The following MAST4 variants were observed in gnomAD, a reference collection of about 807,000 sequenced individuals.
MAST4 encodes microtubule-associated serine/threonine-protein kinase 4.
MAST4 carries 89 observed loss-of-function variants against 162.7 expected under a neutral mutation model. The ratio of observed to expected loss-of-function variants is 0.55; its 90% CI spans 0.46 to 0.65. The LOEUF (loss-of-function observed/expected upper bound fraction) is 0.65, where lower values mean the gene tolerates loss of function less well. MAST4 is among the 30% of genes least tolerant of loss of function. MAST4 has a pLI of 0.00. For missense variants in MAST4, 3,153 were observed against 3,374.0 expected (o/e 0.93, Z 1.62); for synonymous variants, 1,479 against 1,361.1 (o/e 1.09, Z -1.91).
chr5:66,777,718 T>C (rs943624023), intron 2 of MAST4, among the ~76,000 whole-genome samples: 9 of 152,174 alleles, frequency 5.9e-5, no homozygotes, highest in South Asian at 2.1e-4. Context: ...AGATGACTCT[T>C]AATCATTTGA....
intron 1 of MAST4, among the ~76,000 whole-genome samples, chr5:66,743,759 AG>A (rs891376982): frequency 4.8e-4 from 73 of 152,324 alleles, no homozygotes; most frequent in African/African-American, 1.7e-3. Flanking sequence ...ATGCTGTGCC[AG>A]GGGGCTGCTG....
chr5:67,076,956 A>C (rs1042469037), intron 5 of MAST4, among the ~76,000 whole-genome samples: 1 of 152,156 alleles, frequency 6.6e-6, no homozygotes, highest in East Asian at 1.9e-4. Flanking sequence ...GTGGTCTAAC[A>C]CATTTTCAAG....
At chr5:66,713,253 G>T (rs992488583) in intron 1 of MAST4, among the ~76,000 whole-genome samples, 4 of 152,166 alleles carry the variant, frequency 2.6e-5, no homozygotes, top group African/African-American at 9.7e-5. Flanking sequence ...CACCTGGAAG[G>T]TACCCCGCTC....
intron 1 of MAST4, among the ~76,000 whole-genome samples, chr5:66,609,696 T>G (rs1281231309): frequency 9.0e-6 from 1 of 110,738 alleles, no homozygotes; most frequent in Non-Finnish European, 1.7e-5. Flanking sequence ...CTGGTGTTTT[T>G]TTTTTTTTGT....
intron 11 of MAST4, among the ~76,000 whole-genome samples, chr5:67,110,958 A>T (rs1766166766): frequency 1.3e-5 from 2 of 152,230 alleles, no homozygotes; most frequent in Admixed American, 1.3e-4. Context: ...CAGGAGGCGG[A>T]GGTTGCAATG....
At chr5:66,906,322 G>A (rs1763351451) in intron 4 of MAST4, among the ~76,000 whole-genome samples, 2 of 152,168 alleles carry the variant, frequency 1.3e-5, no homozygotes, top group Non-Finnish European at 2.9e-5. Context: ...GGCTGAAAAA[G>A]GGGGATTCGT....
At chr5:67,016,504 T>C (rs934684063) in intron 4 of MAST4, among the ~76,000 whole-genome samples, 7 of 152,226 alleles carry the variant, frequency 4.6e-5, no homozygotes, top group African/African-American at 1.7e-4. Context: ...GTACAGAAAA[T>C]GCTGCTGCTG....
intron 4 of MAST4, among the ~76,000 whole-genome samples, chr5:66,932,018 C>T (rs1038847569): frequency 2.6e-5 from 4 of 152,164 alleles, no homozygotes; most frequent in Non-Finnish European, 5.9e-5. Flanking sequence ...TGGTAAGAAA[C>T]ATCACACTGA....
At chr5:66,846,936 G>A (rs902394318) in intron 3 of MAST4, among the ~76,000 whole-genome samples, 5 of 152,108 alleles carry the variant, frequency 3.3e-5, no homozygotes, top group African/African-American at 9.7e-5. Context: ...GCATTAGAAC[G>A]TGTGGTTTCC....
At chr5:67,154,482 G>C (rs1472398202) in intron 26 of MAST4, among the ~76,000 whole-genome samples, 1 of 152,158 alleles carries the variant, frequency 6.6e-6, no homozygotes, top group African/African-American at 2.4e-5. Flanking sequence ...ATAGAATTCT[G>C]TATTTTAAAA....
chr5:67,123,823 A>G (rs756617725), intron 14 of MAST4, among the ~76,000 whole-genome samples: 1 of 152,176 alleles, frequency 6.6e-6, no homozygotes, highest in Non-Finnish European at 1.5e-5. Flanking sequence ...CTTGATGCAC[A>G]TGATTCTCTT....
chr5:66,948,168 A>G (rs1454526416), intron 4 of MAST4, among the ~76,000 whole-genome samples: 1 of 152,158 alleles, frequency 6.6e-6, no homozygotes, highest in Non-Finnish European at 1.5e-5. Context: ...TTGGCTGAGC[A>G]GTTAGAAAAG....
intron 4 of MAST4, among the ~76,000 whole-genome samples, chr5:66,912,187 G>C (rs370899549): frequency 3.9e-5 from 6 of 152,292 alleles, no homozygotes; most frequent in African/African-American, 1.4e-4. Flanking sequence ...GGGAGAGTGG[G>C]ACCTTCCCAC....
chr5:66,965,829 G>C (rs755112983), intron 4 of MAST4, among the ~76,000 whole-genome samples: 9 of 152,148 alleles, frequency 5.9e-5, no homozygotes, highest in Non-Finnish European at 1.3e-4. Flanking sequence ...AAGTGTTCAG[G>C]AGTCAGAAGA....
At chr5:66,771,421 C>T (rs910966881) in intron 2 of MAST4, among the ~76,000 whole-genome samples, 2 of 152,092 alleles carry the variant, frequency 1.3e-5, no homozygotes, top group Non-Finnish European at 2.9e-5. Context: ...CTCCTGACCT[C>T]GTGATCCTCC....
chr5:66,919,539 T>C (rs1283202598), intron 4 of MAST4, among the ~76,000 whole-genome samples: 1 of 151,202 alleles, frequency 6.6e-6, no homozygotes, highest in Non-Finnish European at 1.5e-5. Context: ...CACACGCCTG[T>C]AATCTCAGCT....
intron 5 of MAST4, among the ~76,000 whole-genome samples, chr5:67,074,822 G>A (rs1039527974): frequency 1.3e-5 from 2 of 152,128 alleles, no homozygotes; most frequent in Non-Finnish European, 2.9e-5. Context: ...GTATTTTGCA[G>A]ATCCTCTGCC....
At chr5:66,644,007 A>G (rs753608977) in intron 1 of MAST4, among the ~76,000 whole-genome samples, 90 of 150,510 alleles carry the variant, frequency 6.0e-4, no homozygotes, top group Admixed American at 4.0e-4. Flanking sequence ...CCTATATTCT[A>G]GAGTCCTCTT....
intron 3 of MAST4, among the ~76,000 whole-genome samples, chr5:66,808,648 A>G (rs748211596): frequency 6.6e-6 from 1 of 152,188 alleles, no homozygotes; most frequent in East Asian, 1.9e-4. Context: ...GGGCCAGGGC[A>G]CAAGAGAGTG....
Sources: allele counts gnomAD v4.1 joint callset (sites outside exome capture counted in the v4.1 genomes callset), GRCh38; gene constraint gnomAD v4.1.1; transcripts MANE v1.5; gene names NCBI Gene and HGNC (gene_info 2026-07-23, HGNC 2026-07-21).